JAKMIP1: variants seen among roughly 807,000 people sequenced by gnomAD.
JAKMIP1 encodes janus kinase and microtubule-interacting protein 1.
Under a neutral mutation model 113.0 loss-of-function variants are expected in JAKMIP1, and 33 were observed. The observed-to-expected ratio is 0.29, with a 90% CI of 0.22 to 0.39. JAKMIP1 has a LOEUF of 0.39. Ranked by LOEUF, JAKMIP1 falls within the 10% of genes least tolerant of loss-of-function variation. JAKMIP1 has a pLI of 1.00. For missense variants in JAKMIP1, 813 were observed against 1,080.5 expected (o/e 0.75, Z 3.47); for synonymous variants, 480 against 459.9 (o/e 1.04, Z -0.56).
chr4:6,054,008 G>A (rs151202854), intron 13 of JAKMIP1, 42 bp downstream of exon 13: 704 of 1,614,136 alleles, frequency 4.4e-4, no homozygotes, highest in Non-Finnish European at 5.5e-4. Flanking sequence ...CAAAGAGAAT[G>A]TCTGCTCCGT....
At chr4:6,079,698 A>G (rs111801809) in intron 7 of JAKMIP1, among the ~76,000 whole-genome samples, 2 of 152,080 alleles carry the variant, frequency 1.3e-5, no homozygotes, top group African/African-American at 4.8e-5. Context: ...CCCCATATAC[A>G]CGTCCAAAAC....
Position 6,105,088 on chromosome 4 carries a change from TTA to T in JAKMIP1, c.624+383_624+384del, listed in dbSNP as rs371194756. On this transcript the variant is annotated intron_variant, in intron 3 of 20. Coordinates refer to ENST00000409021, the MANE Select transcript of JAKMIP1 (RefSeq NM_001099433.2). Reference sequence around the variant, plus strand: ...CTTTCAAAACAGGACTATTTGCAATTTATATGTTTCCCTTGCTGTTGCAGCCA... The same window carrying T: ...CTTTCAAAACAGGACTATTTGCAATTTATGTTTCCCTTGCTGTTGCAGCCA... Among the ~76,000 whole-genome samples the T allele has an allele frequency of 1.1e-3, 171 of 152,300 alleles. 1 individual carries two copies. Among genetic ancestry groups the T allele is most frequent in the Middle Eastern group, 6.8e-3 (2 of 294 alleles).
intron 1 of JAKMIP1, among the ~76,000 whole-genome samples, chr4:6,148,891 G>A (rs1420516576): frequency 2.6e-5 from 4 of 152,226 alleles, no homozygotes; most frequent in Non-Finnish European, 4.4e-5. Context: ...TAGAAAAAAG[G>A]AGGAGTATTT....
At position 6,067,165 on chromosome 4, in the gene JAKMIP1, C is replaced by G. The variant is rs1428894131; in HGVS notation, c.1303-2157G>C. ...CTATTGTGTTTACTGATGGTCTTCC[C>G]CCTACCCCTTGAAATGGAAGCTCCA... On this transcript the variant is annotated intron_variant, in intron 8 of 20. Transcript: ENST00000409021. This position sits in a 1 kb window ranked among gnomAD's most constrained non-coding sequence, Gnocchi z 4.6. Among the ~76,000 whole-genome samples the G allele has an allele frequency of 6.6e-6, 1 of 152,202 alleles. No individual in the cohort carries two copies. The highest frequency in any genetic ancestry group is 1.5e-5 in the Non-Finnish European group (1 of 68,042).
chr4:6,064,417 C>T lies in JAKMIP1; in HGVS notation c.1431+463G>A, dbSNP rs1379551603. Among the ~76,000 whole-genome samples, 7 of 152,162 alleles carry T rather than the reference C, an allele frequency of 4.6e-5. No homozygotes were observed. Among genetic ancestry groups the T allele is most frequent in the African/African-American group, 1.4e-4 (6 of 41,440 alleles). ...GGGGTGATGGGACTTCAGGGCTCTT[C>T]ACCTTCTTCTTTATATATTTTTGGA... On this transcript the variant is annotated intron_variant, in intron 9 of 20. Coordinates refer to ENST00000409021, the MANE Select transcript of JAKMIP1 (RefSeq NM_001099433.2). This position sits in a 1 kb window ranked among gnomAD's most constrained non-coding sequence, Gnocchi z 4.3.
At chr4:6,171,185 A>G (rs1724631353) in intron 1 of JAKMIP1, among the ~76,000 whole-genome samples, 1 of 144,518 alleles carries the variant, frequency 6.9e-6, no homozygotes, top group Non-Finnish European at 1.5e-5. Flanking sequence ...TACCACCACC[A>G]TCACCATCAT....
chr4:6,196,994 C>T (rs1005042676), intron 1 of JAKMIP1, among the ~76,000 whole-genome samples: 3 of 152,178 alleles, frequency 2.0e-5, no homozygotes, highest in Non-Finnish European at 4.4e-5. Flanking sequence ...AGTCAGGGAG[C>T]CCCACTTCTG....
chr4:6,091,333 C>T (rs1260335838), intron 3 of JAKMIP1, among the ~76,000 whole-genome samples: 1 of 152,184 alleles, frequency 6.6e-6, no homozygotes, highest in Non-Finnish European at 1.5e-5. Context: ...AAGCTCAAAC[C>T]GTCTCTTGTG....
intron 1 of JAKMIP1, among the ~76,000 whole-genome samples, chr4:6,189,296 C>CT (rs1273758800): frequency 6.6e-6 from 1 of 152,218 alleles, no homozygotes; most frequent in African/African-American, 2.4e-5. Flanking sequence ...GAAAGGGAAA[C>CT]TTTGAGTTTT....
chr4:6,134,748 C>T (rs1009656341), intron 1 of JAKMIP1, among the ~76,000 whole-genome samples: 1 of 152,198 alleles, frequency 6.6e-6, no homozygotes, highest in African/African-American at 2.4e-5. Context: ...CTCAATCTGT[C>T]CACACGATGG....
intron 1 of JAKMIP1, among the ~76,000 whole-genome samples, chr4:6,118,408 C>G (rs962737419): frequency 6.6e-6 from 1 of 152,122 alleles, no homozygotes; most frequent in Non-Finnish European, 1.5e-5. Flanking sequence ...TGCTGAGACA[C>G]AGACAAATGA....
chr4:6,057,541 C>T (rs1716649050), intron 11 of JAKMIP1, among the ~76,000 whole-genome samples: 1 of 152,248 alleles, frequency 6.6e-6, no homozygotes, highest in Non-Finnish European at 1.5e-5. Context: ...GTCTCCCTGG[C>T]ACCTGGCACC....
intron 8 of JAKMIP1, among the ~76,000 whole-genome samples, chr4:6,074,473 T>C (rs770217225): frequency 2.6e-5 from 4 of 152,170 alleles, no homozygotes; most frequent in African/African-American, 9.7e-5. Context: ...GTTAAAACAC[T>C]TCCATGTGTG....
In JAKMIP1 at chr4:6,158,818, G is replaced by T. The variant is rs7683943; in HGVS notation, c.-148+41435C>A. ...TAAAACACATACTGGGCCGGGCGTG[G>T]TGACTCACACCTGTAATCTCATCAC... On this transcript the variant is annotated intron_variant, in intron 1 of 20. Coordinates refer to ENST00000409021, the MANE Select transcript of JAKMIP1 (RefSeq NM_001099433.2). This position sits in a 1 kb window ranked among gnomAD's most constrained non-coding sequence, Gnocchi z 5.3. Among the ~76,000 whole-genome samples the T allele has an allele frequency of 0.93, 140,700 of 152,030 alleles. 65,788 individuals are homozygous for T. Among genetic ancestry groups the T allele is most frequent in the South Asian group, 1 (4,810 of 4,822 alleles).
chr4:6,091,708 C>T (rs1722089670), intron 3 of JAKMIP1, among the ~76,000 whole-genome samples: 1 of 152,200 alleles, frequency 6.6e-6, no homozygotes, highest in African/African-American at 2.4e-5. Flanking sequence ...GGAGACTGTT[C>T]CTGAGGACTC....
chr4:6,098,627 GAAAGAAAGA>G lies in JAKMIP1; in HGVS notation c.624+6837_624+6845del, dbSNP rs1167245962. On this transcript the variant is annotated intron_variant, in intron 3 of 20. Transcript: ENST00000409021. ...GGAAGAAAAGAAAGAAAAAGAAAAA[GAAAGAAAGA>G]AAAGAAAGAAAGGAAAGGAAAGGAA... Among the ~76,000 whole-genome samples, 30 of 137,104 alleles carry G rather than the reference GAAAGAAAGA, an allele frequency of 2.2e-4. 1 individual carries two copies. The highest frequency in any genetic ancestry group is 8.1e-4 in the African/African-American group (29 of 35,816). The allele number at this position is 137,104 out of a possible 152,430, so 89.9% of individuals were successfully genotyped here. A position where few individuals can be genotyped will look rare whatever the true frequency, so the allele number is the denominator to read the frequency against.
In JAKMIP1 at chr4:6,155,274, C is replaced by T. The variant is rs186791719; in HGVS notation, c.-147-42277G>A. On this transcript the variant is annotated intron_variant, in intron 1 of 20. Transcript: ENST00000409021. The surrounding 1 kb of genome is among the most constrained non-coding windows in gnomAD (Gnocchi z 6.1). ...ACAACATTCCCTCCTCTGCGCTCAA[C>T]GCCTTTTAATACCAGCAACCACCAC... 1.3e-5 allele frequency among the ~76,000 whole-genome samples: 2 copies of T among 152,314 alleles called. No individual in the cohort carries two copies. The highest frequency in any genetic ancestry group is 1.9e-4 in the East Asian group (1 of 5,182).
In JAKMIP1 at chr4:6,044,817, G is replaced by A. The variant is rs895645778; in HGVS notation, c.2029-2590C>T. 1.1e-4 allele frequency among the ~76,000 whole-genome samples: 17 copies of A among 152,288 alleles called. No individual in the cohort carries two copies. Among genetic ancestry groups the A allele is most frequent in the African/African-American group, 3.8e-4 (16 of 41,570 alleles). On this transcript the variant is annotated intron_variant, in intron 16 of 20. Coordinates refer to ENST00000409021, the MANE Select transcript of JAKMIP1 (RefSeq NM_001099433.2). This position sits in a 1 kb window ranked among gnomAD's most constrained non-coding sequence, Gnocchi z 4.4. ...GAGAGAGCTGGCCATGAGGACCCCCGACCACGTGAGATCAGAAATTTAATA... is the reference window on the plus strand; with the variant it reads ...GAGAGAGCTGGCCATGAGGACCCCCAACCACGTGAGATCAGAAATTTAATA...
In JAKMIP1 at chr4:6,102,555, A is replaced by G. The variant is rs546623312; in HGVS notation, c.624+2918T>C. ...ATAGTGCCTAGATCTTGGACTTCCC[A>G]GCCTCCAGAATGGTAAGAAAAAAAT... is the stretch of plus-strand genomic sequence containing the variant. On this transcript the variant is annotated intron_variant, in intron 3 of 20. Coordinates refer to ENST00000409021, the MANE Select transcript of JAKMIP1 (RefSeq NM_001099433.2). 1.4e-4 allele frequency among the ~76,000 whole-genome samples: 21 copies of G among 152,222 alleles called. No individual in the cohort carries two copies. In the South Asian group the frequency reaches 2.7e-3, roughly 20 times the overall value.
Sources: allele counts gnomAD v4.1 joint callset (sites outside exome capture counted in the v4.1 genomes callset), GRCh38; gene constraint gnomAD v4.1.1; non-coding constraint Gnocchi (gnomAD v3.1); transcripts MANE v1.5; gene names NCBI Gene and HGNC (gene_info 2026-07-23, HGNC 2026-07-21).